Variants in SNTG1 observed in about 807,000 individuals in gnomAD.
SNTG1 encodes gamma-1-syntrophin.
In SNTG1, 39 loss-of-function variants were observed where a neutral mutation model predicts 74.7. That is an observed-to-expected ratio of 0.52 (90% CI 0.40 to 0.68). The LOEUF (loss-of-function observed/expected upper bound fraction) is 0.68. Ranked by LOEUF, SNTG1 falls within the 30% of genes least tolerant of loss-of-function variation. The probability of loss-of-function intolerance (pLI) is 0.00; values close to 1 mark genes in which losing one functional copy is unlikely to be tolerated. For synonymous variants in SNTG1, 254 were observed against 217.1 expected, an observed-to-expected ratio of 1.17 and a Z score of -1.49; for missense variants, 685 against 609.5, an observed-to-expected ratio of 1.12 and a Z score of -1.30.
rs117703089 is a variant in SNTG1 at position 50,750,912 on chromosome 8, C to T, written c.1285-1089C>T. 6.9e-3 allele frequency among the ~76,000 whole-genome samples: 1,040 copies of T among 151,818 alleles called. 5 individuals carry two copies. The highest frequency in any genetic ancestry group is 0.011 in the Non-Finnish European group (735 of 67,898). ...CCCTGAGGTATGCCTGTATATACCCCGAGGTATGCCCGTATATGCTTTTAT... is the reference window on the plus strand; with the variant it reads ...CCCTGAGGTATGCCTGTATATACCCTGAGGTATGCCCGTATATGCTTTTAT... On this transcript the variant is annotated intron_variant, in intron 17 of 18. Coordinates refer to ENST00000642720, the MANE Select transcript of SNTG1 (RefSeq NM_018967.5).
At chr8:50,691,861 T>G (rs1302341598) in intron 15 of SNTG1, among the ~76,000 whole-genome samples, 2 of 152,222 alleles carry the variant, frequency 1.3e-5, no homozygotes, top group East Asian at 3.8e-4. Flanking sequence ...CTTGGTTCCA[T>G]TCTCCCTGTC....
At chr8:50,005,263 A>T (rs1358505708) in intron 1 of SNTG1, among the ~76,000 whole-genome samples, 2 of 152,108 alleles carry the variant, frequency 1.3e-5, no homozygotes, top group African/African-American at 4.8e-5. Flanking sequence ...CAAGAGTGTT[A>T]TACAAATAAA....
chr8:50,242,330 A>G (rs927475594), intron 2 of SNTG1, among the ~76,000 whole-genome samples: 1 of 151,832 alleles, frequency 6.6e-6, no homozygotes, highest in Non-Finnish European at 1.5e-5. Flanking sequence ...GGAGTTCAAG[A>G]TCAGCCTGGT....
chr8:50,134,274 C>T (rs991211197), intron 1 of SNTG1, among the ~76,000 whole-genome samples: 1 of 152,206 alleles, frequency 6.6e-6, no homozygotes, highest in African/African-American at 2.4e-5. Context: ...GTGAAAAAGT[C>T]ACCCAGGTGA....
chr8:50,548,971 G>A lies in SNTG1; in HGVS notation c.681-4079G>A, dbSNP rs550368012. Among the ~76,000 whole-genome samples the A allele has an allele frequency of 2.2e-4, 33 of 152,216 alleles. No homozygotes were observed. The South Asian group carries it at 6.4e-3, about 30-fold the overall frequency. Reference sequence around the variant, plus strand: ...GGAACTGCGGGTCAGAGAGTTTCACGGTGTTAACTGACTTGCAAGGACCTC... The same window carrying A: ...GGAACTGCGGGTCAGAGAGTTTCACAGTGTTAACTGACTTGCAAGGACCTC... On this transcript the variant is annotated intron_variant, in intron 11 of 18. Coordinates refer to ENST00000642720, the MANE Select transcript of SNTG1 (RefSeq NM_018967.5).
chr8:50,493,154 T>G (rs1443556685), intron 8 of SNTG1, among the ~76,000 whole-genome samples: 4 of 152,150 alleles, frequency 2.6e-5, no homozygotes, highest in Non-Finnish European at 5.9e-5. Flanking sequence ...TATACGGAAA[T>G]ACAAACGGGG....
At chr8:50,217,368 G>A (rs1015356093) in intron 2 of SNTG1, among the ~76,000 whole-genome samples, 3 of 151,876 alleles carry the variant, frequency 2.0e-5, no homozygotes, top group Non-Finnish European at 2.9e-5. Context: ...AAGGGATAAA[G>A]CACTATATAT....
intron 15 of SNTG1, among the ~76,000 whole-genome samples, chr8:50,680,671 T>C (rs1024312587): frequency 6.6e-6 from 1 of 152,140 alleles, no homozygotes; most frequent in Non-Finnish European, 1.5e-5. Flanking sequence ...TCTATCTCTA[T>C]TGTTTTCCAT....
chr8:50,422,265 T>TATC (rs1315229176), intron 4 of SNTG1, among the ~76,000 whole-genome samples: 1 of 3,362 alleles, frequency 3.0e-4, no homozygotes, highest in African/African-American at 3.2e-4. Context: ...TCTATCTATC[T>TATC]ATCTACTATC....
At chr8:50,536,112 A>T (rs2094305308) in intron 10 of SNTG1, among the ~76,000 whole-genome samples, 1 of 152,346 alleles carries the variant, frequency 6.6e-6, no homozygotes, top group African/African-American at 2.4e-5. Flanking sequence ...CAATTAAAAC[A>T]ACATAAGAAA....
intron 8 of SNTG1, among the ~76,000 whole-genome samples, chr8:50,485,582 A>G (rs1222300654): frequency 1.3e-5 from 2 of 149,738 alleles, no homozygotes; most frequent in Non-Finnish European, 3.0e-5. Flanking sequence ...CCTTTGTCAG[A>G]TGAGTAGGTT....
intron 1 of SNTG1, chr8:50,163,418 T>G (rs949942409): frequency 3.3e-5 from 5 of 152,030 alleles, no homozygotes; most frequent in African/African-American, 7.2e-5. Context: ...ATTCCAAGTT[T>G]TTTTTTTTTT....
chr8:50,548,574 A>G (rs907877399), intron 11 of SNTG1, among the ~76,000 whole-genome samples: 2 of 152,130 alleles, frequency 1.3e-5, no homozygotes, highest in Non-Finnish European at 2.9e-5. Flanking sequence ...TGCTAATGCT[A>G]TGAGAGGTAT....
chr8:50,664,655 T>G (rs566887640), intron 15 of SNTG1, among the ~76,000 whole-genome samples: 1 of 152,268 alleles, frequency 6.6e-6, no homozygotes, highest in African/African-American at 2.4e-5. Context: ...CCCAAGGCCT[T>G]TAGCCCAGGG....
intron 9 of SNTG1, among the ~76,000 whole-genome samples, chr8:50,506,524 A>G (rs940477107): frequency 2.0e-5 from 3 of 151,916 alleles, no homozygotes; most frequent in African/African-American, 7.2e-5. Context: ...TTTCTCAATG[A>G]TATTTTGTGG....
At chr8:50,552,814 C>T (rs2094434673) in intron 11 of SNTG1, among the ~76,000 whole-genome samples, 1 of 152,132 alleles carries the variant, frequency 6.6e-6, no homozygotes, top group African/African-American at 2.4e-5. Context: ...CAAAGTTTCT[C>T]CATAGTTACC....
chr8:50,185,831 A>T (rs948736607), intron 2 of SNTG1, among the ~76,000 whole-genome samples: 49 of 150,026 alleles, frequency 3.3e-4, no homozygotes, highest in Non-Finnish European at 5.6e-4. Context: ...TATTTTATTT[A>T]TTTTTTTTTA....
intron 17 of SNTG1, among the ~76,000 whole-genome samples, chr8:50,715,937 C>T (rs1247171248): frequency 1.3e-5 from 2 of 152,090 alleles, no homozygotes; most frequent in Admixed American, 6.5e-5. Context: ...TCCTTTAAAT[C>T]GACACTGATT....
At position 50,795,560 on chromosome 8, in the gene SNTG1, T is replaced by C. The variant is rs1802772543; in HGVS notation, c.*2731T>C. Reference sequence around the variant, plus strand: ...TGGTATGTGTGAGCGTGTATGTGTGTTTGGGTGTGTGTCTGTGTATGTGTG... The same window carrying C: ...TGGTATGTGTGAGCGTGTATGTGTGCTTGGGTGTGTGTCTGTGTATGTGTG... On this transcript the variant is annotated 3_prime_UTR_variant, in exon 19 of 19. Coordinates refer to ENST00000642720, the MANE Select transcript of SNTG1 (RefSeq NM_018967.5). The C allele has an allele frequency of 6.6e-6, 1 of 152,036 alleles. No individual in the cohort carries two copies. The allele number at this position is 152,036 out of a possible 1,614,324, so 9.4% of individuals were successfully genotyped here.
Sources: gnomAD v4.1 joint callset for allele counts (sites outside exome capture counted in the v4.1 genomes callset) on GRCh38, gnomAD v4.1.1 for gene constraint, MANE v1.5 for transcripts, NCBI Gene and HGNC (gene_info 2026-07-23, HGNC 2026-07-21) for gene names.